The following CLOCK variants were observed in gnomAD, a reference collection of about 807,000 sequenced individuals.
CLOCK encodes clock circadian regulator, also known as circadian locomoter output cycles protein kaput.
CLOCK carries 43 observed loss-of-function variants against 118.4 expected under a neutral mutation model. The ratio of observed to expected loss-of-function variants is 0.36; its 90% CI spans 0.28 to 0.47. The LOEUF (loss-of-function observed/expected upper bound fraction) is 0.47. Ranked by LOEUF, CLOCK falls within the 20% of genes least tolerant of loss-of-function variation. The probability of loss-of-function intolerance (pLI) is 1.00; values close to 1 mark genes in which losing one functional copy is unlikely to be tolerated. For missense variants in CLOCK, 846 were observed against 999.9 expected (o/e 0.85, Z 2.08); for synonymous variants, 326 against 339.2 (o/e 0.96, Z 0.43).
chr4:55,511,579 C>G (rs1335726168), intron 1 of CLOCK, among the ~76,000 whole-genome samples: 1 of 152,164 alleles, frequency 6.6e-6, no homozygotes, highest in African/African-American at 2.4e-5. Context: ...CATTCCCCAC[C>G]AGAGTGGTAC....
chr4:55,472,447 GAGA>G (rs1163431393), intron 7 of CLOCK, among the ~76,000 whole-genome samples: 9 of 152,306 alleles, frequency 5.9e-5, no homozygotes, highest in East Asian at 3.9e-4. Flanking sequence ...AGATCCAGTG[GAGA>G]AGAAGTAGAA....
chr4:55,455,933 C>A lies in CLOCK; in HGVS notation c.946G>T (p.Asp316Tyr). 1.2e-6 allele frequency: 2 copies of A among 1,613,690 alleles called. No homozygotes were observed. Among genetic ancestry groups the A allele is most frequent in the Non-Finnish European group, 1.7e-6 (2 of 1,179,782 alleles). ...GTSGYDYYHVDDLENLAKCHE... is the reference protein window; with the variant it reads ...GTSGYDYYHVYDLENLAKCHE... ...CATTTTGCCAAATTTTCTAGGTCAT[C>A]CACATGATAGTAATCATAGCCTGAT... The change falls in exon 13 of 23, where the codon GAT becomes TAT. Residue 316 changes from aspartate (D) to tyrosine (Y), a missense_variant. Around this residue, in one of 4 missense-constraint regions of CLOCK, gnomAD observed 66 missense variants for 99.4 expected, o/e 0.66. Coordinates refer to ENST00000513440, the MANE Select transcript of CLOCK (RefSeq NM_004898.4).
chr4:55,481,308 C>G (rs534811078), intron 4 of CLOCK, among the ~76,000 whole-genome samples: 6 of 151,928 alleles, frequency 3.9e-5, no homozygotes, highest in Non-Finnish European at 8.8e-5. Flanking sequence ...ATGAATTTTC[C>G]GAGAACAGAG....
At chr4:55,480,556 G>A (rs35767091) in intron 4 of CLOCK, among the ~76,000 whole-genome samples, 104,760 of 152,008 alleles carry the variant, frequency 0.69, 36,361 homozygotes, top group South Asian at 0.81. Flanking sequence ...GTGAGCTGCC[G>A]TACCCAGCCT....
chr4:55,471,958 C>T (rs557025411), intron 7 of CLOCK, among the ~76,000 whole-genome samples: 1 of 152,200 alleles, frequency 6.6e-6, no homozygotes, highest in East Asian at 1.9e-4. Flanking sequence ...CCTATGGTCC[C>T]AGCTGCTTGG....
intron 1 of CLOCK, among the ~76,000 whole-genome samples, chr4:55,510,325 T>C (rs188963498): frequency 2.5e-4 from 38 of 152,148 alleles, no homozygotes; most frequent in African/African-American, 8.7e-4. Context: ...TGCTGGAAAT[T>C]GGTTAGAAAA....
chr4:55,526,317 TAA>T (rs1167263761), intron 1 of CLOCK, among the ~76,000 whole-genome samples: 1 of 152,094 alleles, frequency 6.6e-6, no homozygotes, highest in Non-Finnish European at 1.5e-5. Flanking sequence ...TCATCAATCC[TAA>T]AAACCCCATC....
chr4:55,480,662 G>A (rs942429918), intron 4 of CLOCK, among the ~76,000 whole-genome samples: 16 of 152,112 alleles, frequency 1.1e-4, no homozygotes, highest in African/African-American at 3.6e-4. Context: ...AGGCCGAGGC[G>A]GGCGGATCAC....
chr4:55,538,415 A>G (rs1384184843), intron 1 of CLOCK, among the ~76,000 whole-genome samples: 3 of 152,238 alleles, frequency 2.0e-5, no homozygotes, highest in African/African-American at 4.8e-5. Context: ...ACAACATCAA[A>G]GGAATACTCT....
At chr4:55,472,376 G>C (rs1335524482) in intron 7 of CLOCK, among the ~76,000 whole-genome samples, 1 of 152,136 alleles carries the variant, frequency 6.6e-6, no homozygotes, top group Non-Finnish European at 1.5e-5. Context: ...CTAAGGGGGT[G>C]AAGTATCAAG....
intron 1 of CLOCK, among the ~76,000 whole-genome samples, chr4:55,519,771 TG>T (rs1452476639): frequency 2.0e-5 from 3 of 151,808 alleles, no homozygotes; most frequent in African/African-American, 7.3e-5. Flanking sequence ...AGCAAAAATC[TG>T]CCTCAAAAAA....
At position 55,506,945 on chromosome 4, in the gene CLOCK, TTCTC is replaced by T. The variant is rs1035551674; in HGVS notation, c.-136+2963_-136+2966del. ...GCAATTCTTAGATTAGAGGTTTATA[TTCTC>T]TCTATTAAATAGCAATATACAATCA... is the stretch of plus-strand genomic sequence containing the variant. On this transcript the variant is annotated intron_variant, in intron 2 of 22. Transcript: ENST00000513440. 7.2e-5 allele frequency among the ~76,000 whole-genome samples: 11 copies of T among 152,316 alleles called. No individual in the cohort carries two copies. The Middle Eastern group carries it at 0.01, about 141-fold the overall frequency.
chr4:55,506,136 C>A (rs536247769), intron 2 of CLOCK, among the ~76,000 whole-genome samples: 23 of 152,226 alleles, frequency 1.5e-4, no homozygotes, highest in African/African-American at 5.3e-4. Context: ...TGAATCCAAT[C>A]CAGGGTCATG....
intron 4 of CLOCK, among the ~76,000 whole-genome samples, chr4:55,481,738 A>C (rs1726947944): frequency 6.6e-6 from 1 of 152,224 alleles, no homozygotes; most frequent in African/African-American, 2.4e-5. Context: ...GAACAGTGCA[A>C]TAAACGCATT....
chr4:55,534,929 ATTT>A (rs34133453), intron 1 of CLOCK, among the ~76,000 whole-genome samples: 19 of 134,210 alleles, frequency 1.4e-4, no homozygotes, highest in African/African-American at 3.3e-4. Flanking sequence ...TAAAGTGAGA[ATTT>A]TTTTTTTTTT....
chr4:55,475,826 T>A (rs1365626648), intron 7 of CLOCK, 137 bp downstream of exon 7: 1 of 661,252 alleles, frequency 1.5e-6, no homozygotes, highest in African/African-American at 1.8e-5. Context: ...TGTGACTCAT[T>A]TTACTGAAAT....
At chr4:55,452,815 C>T in intron 15 of CLOCK, 1 of 387,288 alleles carries the variant, frequency 2.6e-6, no homozygotes, top group Non-Finnish European at 4.7e-6. Flanking sequence ...GAGACTAGTA[C>T]ATCACTGGGA....
intron 13 of CLOCK, 86 bp downstream of exon 13, chr4:55,455,811 A>C: frequency 2.1e-6 from 2 of 951,274 alleles, no homozygotes; most frequent in East Asian, 4.8e-5. Context: ...ATGATTATAA[A>C]TCTGTGTCTT....
At chr4:55,497,252 T>TC in intron 2 of CLOCK, among the ~76,000 whole-genome samples, 1 of 152,178 alleles carries the variant, frequency 6.6e-6, no homozygotes, top group East Asian at 1.9e-4. Flanking sequence ...CTCCCTCTAC[T>TC]CCATCTTCAA....
Sources: allele counts gnomAD v4.1 joint callset (sites outside exome capture counted in the v4.1 genomes callset), GRCh38; gene constraint gnomAD v4.1.1; regional missense constraint gnomAD v4.1.1; transcripts MANE v1.5; gene names NCBI Gene and HGNC (gene_info 2026-07-23, HGNC 2026-07-21).